SHANK2: variants seen among roughly 807,000 people sequenced by gnomAD.
SHANK2 encodes the protein SH3 and multiple ankyrin repeat domains 2.
SHANK2 carries 43 observed loss-of-function variants against 133.7 expected under a neutral mutation model. The observed-to-expected ratio is 0.32, with a 90% CI of 0.25 to 0.41. SHANK2 has a LOEUF of 0.41. SHANK2 is among the 10% of genes least tolerant of loss of function. The pLI, the probability that SHANK2 is intolerant of heterozygous loss-of-function variation, is 1.00. For missense variants in SHANK2, 1,994 were observed against 2,235.8 expected (o/e 0.89, Z 2.18); for synonymous variants, 1,017 against 952.8 (o/e 1.07, Z -1.24).
At chr11:70,633,102 A>T (rs1555002796) in intron 17 of SHANK2, among the ~76,000 whole-genome samples, 1 of 151,912 alleles carries the variant, frequency 6.6e-6, no homozygotes, top group African/African-American at 2.4e-5. Context: ...TCTGCAGCTG[A>T]TTTAGACACG....
rs371151686 is a variant in SHANK2, at chr11:70,946,308, T to A, written c.1108-49741A>T. Among the ~76,000 whole-genome samples the A allele has an allele frequency of 3.6e-5, 2 of 55,112 alleles. 1 individual carries two copies. The highest frequency in any genetic ancestry group is 6.6e-5 in the Non-Finnish European group (2 of 30,500). 36.2% of individuals were successfully genotyped at this position (55,112 alleles called of 152,430 possible). A position where few individuals can be genotyped will look rare whatever the true frequency, so the allele number is the denominator to read the frequency against. ...AACAACGCTTCCCAGGCTCAACCTC[T>A]CTCTCCACTAACCAACACTTCCCAG... On this transcript the variant is annotated intron_variant, in intron 10 of 25. Transcript: ENST00000601538.
At chr11:71,204,113 G>A (rs145582747) in intron 2 of SHANK2, among the ~76,000 whole-genome samples, 17 of 152,308 alleles carry the variant, frequency 1.1e-4, no homozygotes, top group Middle Eastern at 3.4e-3. Context: ...GGTGGCCTTG[G>A]GGAGCCCTGA....
At chr11:71,068,705 C>G (rs1230348610) in intron 9 of SHANK2, among the ~76,000 whole-genome samples, 1 of 152,200 alleles carries the variant, frequency 6.6e-6, no homozygotes, top group African/African-American at 2.4e-5. Context: ...GGGCTGGAAG[C>G]CTGGCAGCTG....
chr11:71,212,445 A>C (rs1954302396), intron 2 of SHANK2, among the ~76,000 whole-genome samples: 1 of 152,226 alleles, frequency 6.6e-6, no homozygotes, highest in Non-Finnish European at 1.5e-5. Context: ...CTAGGACTTA[A>C]AAGACATTCT....
chr11:70,562,870 ATTTG>A (rs782265983), intron 17 of SHANK2, among the ~76,000 whole-genome samples: 138 of 151,962 alleles, frequency 9.1e-4, no homozygotes, highest in Non-Finnish European at 1.3e-3. Context: ...TGGGTTGATA[ATTTG>A]TTTGTTTGTT....
intron 11 of SHANK2, among the ~76,000 whole-genome samples, chr11:70,836,456 A>T (rs1187951213): frequency 6.6e-6 from 1 of 152,192 alleles, no homozygotes; most frequent in African/African-American, 2.4e-5. Flanking sequence ...ACAAAGTGCC[A>T]GGTATGGAGG....
At position 71,093,052 on chromosome 11, in the gene SHANK2, G is replaced by GC. The variant is rs1555094453; in HGVS notation, c.745-464_745-463insG. Among the ~76,000 whole-genome samples, 10 of 7,792 alleles carry GC rather than the reference G, an allele frequency of 1.3e-3. 1 individual carries two copies. In the South Asian group the frequency reaches 0.031, roughly 24 times the overall value. 5.1% of individuals were successfully genotyped at this position (7,792 alleles called of 152,430 possible). On this transcript the variant is annotated intron_variant, in intron 7 of 25. Transcript: ENST00000601538. ...AGCAAAGCTCAGTCTCAAAAATAAA[G>GC]GGGGGGGGGGGCAGGTATAACTTTA...
intron 10 of SHANK2, among the ~76,000 whole-genome samples, chr11:70,907,074 C>A (rs1232720379): frequency 6.6e-6 from 1 of 152,252 alleles, no homozygotes; most frequent in African/African-American, 2.4e-5. Context: ...ATGTCCACAA[C>A]TCCTGAAGTG....
chr11:70,661,928 G>C, intron 15 of SHANK2: 1 of 934,192 alleles, frequency 1.1e-6, no homozygotes, highest in South Asian at 1.4e-5. Context: ...GGAGCCAGCC[G>C]GAGGAAGGAG....
intron 17 of SHANK2, among the ~76,000 whole-genome samples, chr11:70,589,160 T>C (rs934297642): frequency 1.3e-5 from 2 of 152,142 alleles, no homozygotes; most frequent in African/African-American, 2.4e-5. Context: ...AGGATTTTCA[T>C]AGCTAGAGAG....
intron 2 of SHANK2, among the ~76,000 whole-genome samples, chr11:71,172,633 GAA>G (rs1435530724): frequency 6.6e-6 from 1 of 150,384 alleles, no homozygotes; most frequent in Non-Finnish European, 1.5e-5. Context: ...AAAAAGAAAA[GAA>G]AAGAAACACC....
rs895610092 is a variant in SHANK2, at chr11:70,479,371, G to C, written c.4980-5932C>G. On this transcript the variant is annotated intron_variant, in intron 25 of 25. Coordinates refer to ENST00000601538, the MANE Select transcript of SHANK2 (RefSeq NM_012309.5). This position sits in a 1 kb window ranked among gnomAD's most constrained non-coding sequence, Gnocchi z 4.4. ...GGCTGTCAGGATAATACTGCAGAGA[G>C]CCCAGTAGGGACTGGAGGCCTTGGG... Among the ~76,000 whole-genome samples the C allele has an allele frequency of 5.3e-5, 8 of 152,228 alleles. No individual in the cohort carries two copies. The highest frequency in any genetic ancestry group is 1.0e-4 in the Non-Finnish European group (7 of 68,036).
chr11:70,471,709 C>T lies in SHANK2; in HGVS notation c.*1160G>A. On this transcript the variant is annotated 3_prime_UTR_variant, in exon 26 of 26. Coordinates refer to ENST00000601538, the MANE Select transcript of SHANK2 (RefSeq NM_012309.5). The surrounding 1 kb of genome is among the most constrained non-coding windows in gnomAD (Gnocchi z 4.1). ...GACACCCAGAGCGATAGGGGAAAAG[C>T]CTCTAAGTACCATCTTCCCTGGCCT... 3.6e-6 allele frequency: 1 copy of T among 277,908 alleles called. No homozygotes were observed. The highest frequency in any genetic ancestry group is 5.9e-5 in the East Asian group (1 of 16,828). 17.2% of individuals were successfully genotyped at this position (277,908 alleles called of 1,614,324 possible).
chr11:71,190,609 C>T (rs1030052812), intron 2 of SHANK2, among the ~76,000 whole-genome samples: 3 of 152,224 alleles, frequency 2.0e-5, no homozygotes, highest in South Asian at 2.1e-4. Flanking sequence ...TGCAGGGAAT[C>T]GGCCTCTTAA....
intron 14 of SHANK2, among the ~76,000 whole-genome samples, chr11:70,700,933 G>T (rs1555023459): frequency 6.6e-6 from 1 of 152,236 alleles, no homozygotes; most frequent in East Asian, 1.9e-4. Flanking sequence ...TTTCCCTAGG[G>T]TTAAACAGAG....
intron 12 of SHANK2, among the ~76,000 whole-genome samples, chr11:70,815,659 C>T (rs1383497463): frequency 6.6e-6 from 1 of 152,146 alleles, no homozygotes; most frequent in Non-Finnish European, 1.5e-5. Context: ...GGAAGCAGAC[C>T]CTGCCTACAG....
At chr11:71,100,044 G>A (rs1251452801) in intron 6 of SHANK2, among the ~76,000 whole-genome samples, 4 of 118,778 alleles carry the variant, frequency 3.4e-5, no homozygotes, top group Non-Finnish European at 5.2e-5. Context: ...GTAAGACCAT[G>A]TCAAAAAAAA....
chr11:70,735,646 G>C (rs1391031347), intron 14 of SHANK2, among the ~76,000 whole-genome samples: 3 of 151,232 alleles, frequency 2.0e-5, no homozygotes, highest in African/African-American at 7.3e-5. Flanking sequence ...GGAGGTTGCA[G>C]TGAGCTGAGA....
chr11:70,774,071 C>T (rs1041709612), intron 14 of SHANK2, among the ~76,000 whole-genome samples: 3 of 152,230 alleles, frequency 2.0e-5, no homozygotes, highest in Non-Finnish European at 2.9e-5. Context: ...AAGTGTCCAT[C>T]TTCTAATAGA....
Sources: allele counts gnomAD v4.1 joint callset (sites outside exome capture counted in the v4.1 genomes callset), GRCh38; gene constraint gnomAD v4.1.1; non-coding constraint Gnocchi (gnomAD v3.1); transcripts MANE v1.5; gene names NCBI Gene and HGNC (gene_info 2026-07-23, HGNC 2026-07-21).